The following COPS4 variants were observed in gnomAD, a reference collection of about 807,000 sequenced individuals.
COPS4 encodes the protein COP9 signalosome subunit 4, also known as COP9 signalosome complex subunit 4.
A neutral mutation model predicts 55.1 loss-of-function variants in COPS4; 8 were observed. That is an observed-to-expected ratio of 0.15 (90% CI 0.09 to 0.26). The LOEUF is 0.26. COPS4 is among the 10% of genes least tolerant of loss of function. COPS4 has a pLI of 1.00. For missense variants in COPS4, 248 were observed against 484.0 expected (o/e 0.51, Z 4.58); for synonymous variants, 185 against 165.7 (o/e 1.12, Z -0.90).
At chr4:83,041,854 A>T (rs1391430852) in intron 1 of COPS4, among the ~76,000 whole-genome samples, 2 of 150,558 alleles carry the variant, frequency 1.3e-5, no homozygotes, top group African/African-American at 4.9e-5. Flanking sequence ...TTTTTGTATT[A>T]TTGTAATTTA....
At chr4:83,060,066 G>A (rs560490851) in intron 6 of COPS4, among the ~76,000 whole-genome samples, 1 of 152,174 alleles carries the variant, frequency 6.6e-6, no homozygotes, top group South Asian at 2.1e-4. Context: ...TTTAGTTAAA[G>A]TATATGAAGA....
At chr4:83,060,045 T>C (rs1731122070) in intron 6 of COPS4, among the ~76,000 whole-genome samples, 2 of 152,092 alleles carry the variant, frequency 1.3e-5, no homozygotes, top group Non-Finnish European at 2.9e-5. Flanking sequence ...CCCTCCGTTT[T>C]AATAGGTTGT....
chr4:83,073,386 A>G (rs1222604068), intron 9 of COPS4: 1 of 577,220 alleles, frequency 1.7e-6, no homozygotes, highest in African/African-American at 1.8e-5. Flanking sequence ...TTATAGCCGA[A>G]TAGCATTTCA....
At chr4:83,057,814 G>C (rs1473939096) in intron 6 of COPS4, among the ~76,000 whole-genome samples, 1 of 151,404 alleles carries the variant, frequency 6.6e-6, no homozygotes, top group Non-Finnish European at 1.5e-5. Context: ...CCCAGCTGTG[G>C]GGGAGGCTGA....
At chr4:83,057,438 A>G in intron 6 of COPS4, 30 bp downstream of exon 6, 2 of 1,517,336 alleles carry the variant, frequency 1.3e-6, no homozygotes, top group Non-Finnish European at 1.8e-6. Context: ...TACTTAAATG[A>G]ACAGTTATCT....
chr4:83,040,000 T>G (rs948902102), intron 1 of COPS4, among the ~76,000 whole-genome samples: 1 of 152,200 alleles, frequency 6.6e-6, no homozygotes, highest in Non-Finnish European at 1.5e-5. Flanking sequence ...GTGAAATCCC[T>G]GTCAGGCCCA....
chr4:83,042,282 A>G (rs1434548084), intron 1 of COPS4, among the ~76,000 whole-genome samples: 1 of 152,242 alleles, frequency 6.6e-6, no homozygotes, highest in African/African-American at 2.4e-5. Flanking sequence ...TATCATACAC[A>G]GAATCTCATA....
chr4:83,044,002 T>C (rs930292008), intron 1 of COPS4, among the ~76,000 whole-genome samples: 4 of 152,218 alleles, frequency 2.6e-5, no homozygotes, highest in Non-Finnish European at 5.9e-5. Flanking sequence ...GAGTGGTAGC[T>C]TGAGGGTGTG....
At chr4:83,035,963 A>G (rs1730405746) in intron 1 of COPS4, 1 of 152,518 alleles carries the variant, frequency 6.6e-6, no homozygotes, top group African/African-American at 2.4e-5. Flanking sequence ...TAGAATGCTT[A>G]GGTTCACTCC....
chr4:83,056,928 A>G lies in COPS4; in HGVS notation c.413A>G (p.Gln138Arg). ...VGIPLETGQK[Q>R]YNVDYKLETY... is the part of the protein sequence containing the mutation. ...TGTGTTTTTCTGTTACATCCTAGACAGTACAATGTAGATTATAAACTGGAG... is the reference window on the plus strand; with the variant it reads ...TGTGTTTTTCTGTTACATCCTAGACGGTACAATGTAGATTATAAACTGGAG... Residue 138 changes from glutamine to arginine, a missense_variant and splice_region_variant, in exon 5 of 10, where the codon CAG becomes CGG. Around this residue, in one of 4 missense-constraint regions of COPS4, gnomAD observed 155 missense variants for 326.6 expected, o/e 0.47. Coordinates refer to ENST00000264389, the MANE Select transcript of COPS4 (RefSeq NM_016129.3). The G allele has an allele frequency of 3.1e-6, 5 of 1,607,354 alleles. No individual in the cohort carries two copies. Among genetic ancestry groups the G allele is most frequent in the Non-Finnish European group, 3.4e-6 (4 of 1,176,442 alleles).
intron 1 of COPS4, among the ~76,000 whole-genome samples, chr4:83,037,187 G>C (rs1426049815): frequency 6.6e-6 from 1 of 152,142 alleles, no homozygotes; most frequent in African/African-American, 2.4e-5. Context: ...CAGTAGTTTA[G>C]CTTGGGCTTT....
chr4:83,063,394 T>G (rs547049741), intron 7 of COPS4, 148 bp downstream of exon 7: 11 of 561,346 alleles, frequency 2.0e-5, no homozygotes, highest in African/African-American at 1.8e-4. Context: ...TAAAATTTTT[T>G]TTTTAATTTA....
intron 9 of COPS4, among the ~76,000 whole-genome samples, chr4:83,074,154 A>G (rs1731507637): frequency 6.6e-6 from 1 of 152,176 alleles, no homozygotes; most frequent in Admixed American, 6.5e-5. Context: ...TCCTTCAGTC[A>G]AGTACAGATT....
rs1458178293 is a variant in COPS4, at chr4:83,054,861, A to G, written c.411-2065A>G. Among the ~76,000 whole-genome samples, 6 of 152,244 alleles carry G rather than the reference A, an allele frequency of 3.9e-5. 1 individual carries two copies. In the East Asian group the frequency reaches 1.2e-3, roughly 29 times the overall value. ...GTGACTAAATGTAGACTTTGGATAA[A>G]TGGGAACTTTTTCTTTCAAAAAATG... On this transcript the variant is annotated intron_variant, in intron 4 of 9. Transcript: ENST00000264389.
At chr4:83,039,705 T>C (rs4693549) in intron 1 of COPS4, among the ~76,000 whole-genome samples, 151,617 of 152,302 alleles carry the variant, frequency 1, 75,467 homozygotes, top group Middle Eastern at 1. Flanking sequence ...GATCATGGCT[T>C]ACTACAGCCT....
intron 9 of COPS4, chr4:83,073,378 A>G (rs754689231): frequency 1.7e-5 from 10 of 588,668 alleles, no homozygotes; most frequent in Non-Finnish European, 2.5e-5. Context: ...ATTCATTTTT[A>G]TAGCCGAATA....
intron 7 of COPS4, among the ~76,000 whole-genome samples, chr4:83,064,668 C>T (rs1184742079): frequency 6.6e-6 from 1 of 151,898 alleles, no homozygotes; most frequent in Non-Finnish European, 1.5e-5. Flanking sequence ...AATCATGGCC[C>T]ACTGCAGCCT....
In COPS4 at chr4:83,066,485, G is replaced by T; in HGVS notation, c.934G>T (p.Ala312Ser). 6.2e-7 allele frequency: 1 copy of T among 1,600,972 alleles called. No homozygotes were observed. The change falls in exon 8 of 10, where the codon GCA becomes TCA. Residue 312 changes from alanine to serine, a missense_variant. Around this residue, in one of 4 missense-constraint regions of COPS4, gnomAD observed 155 missense variants for 326.6 expected, o/e 0.47. Coordinates refer to ENST00000264389, the MANE Select transcript of COPS4 (RefSeq NM_016129.3). ...TGTTATTGAACACAATTTGTTGTCT[G>T]CAAGCAAATTATATAATAATATTAC... ...RAVIEHNLLS[A>S]SKLYNNITFE... is the part of the protein sequence containing the mutation.
chr4:83,075,610 A>G lies in COPS4; in HGVS notation c.*180A>G. Reference sequence around the variant, plus strand: ...AGCATTTAAAATATGTAGTTCCCATATATTTCAGGGTCTCTGTGTATTAAG... The same window carrying G: ...AGCATTTAAAATATGTAGTTCCCATGTATTTCAGGGTCTCTGTGTATTAAG... On this transcript the variant is annotated 3_prime_UTR_variant, in exon 10 of 10. Transcript: ENST00000264389. The G allele has an allele frequency of 1.7e-6, 1 of 587,380 alleles. No homozygotes were observed. Among genetic ancestry groups the G allele is most frequent in the Admixed American group, 3.7e-5 (1 of 27,312 alleles). The allele number at this position is 587,380 out of a possible 1,614,324, so 36.4% of individuals were successfully genotyped here. A position where few individuals can be genotyped will look rare whatever the true frequency, so the allele number is the denominator to read the frequency against.
Sources: allele counts gnomAD v4.1 joint callset (sites outside exome capture counted in the v4.1 genomes callset), GRCh38; gene constraint gnomAD v4.1.1; regional missense constraint gnomAD v4.1.1; transcripts MANE v1.5; gene names NCBI Gene and HGNC (gene_info 2026-07-23, HGNC 2026-07-21).